Variants in PTPRK observed in about 807,000 individuals in gnomAD.
PTPRK encodes the protein receptor-type tyrosine-protein phosphatase kappa.
A neutral mutation model predicts 178.0 loss-of-function variants in PTPRK; 75 were observed. The ratio of observed to expected loss-of-function variants is 0.42; its 90% CI spans 0.35 to 0.51. The LOEUF (loss-of-function observed/expected upper bound fraction) is 0.51. PTPRK is among the 20% of genes least tolerant of loss of function. PTPRK has a pLI of 0.02. For synonymous variants in PTPRK, 637 were observed against 620.6 expected, an observed-to-expected ratio of 1.03 and a Z score of -0.39; for missense variants, 1,441 against 1,797.8, an observed-to-expected ratio of 0.80 and a Z score of 3.59.
intron 2 of PTPRK, among the ~76,000 whole-genome samples, chr6:128,344,998 G>T (rs949182342): frequency 4.0e-5 from 6 of 149,390 alleles, no homozygotes; most frequent in South Asian, 4.3e-4. Flanking sequence ...GTAGGAGAAT[G>T]GGGGGGGAAA....
chr6:128,494,941 CA>C (rs1479525452), intron 1 of PTPRK, among the ~76,000 whole-genome samples: 1 of 152,086 alleles, frequency 6.6e-6, no homozygotes, highest in African/African-American at 2.4e-5. Flanking sequence ...GCTATTCTCA[CA>C]AAAAATAAAT....
At chr6:128,441,169 T>A (rs994783244) in intron 1 of PTPRK, among the ~76,000 whole-genome samples, 3 of 152,194 alleles carry the variant, frequency 2.0e-5, no homozygotes, top group Admixed American at 6.5e-5. Context: ...AGCCTCATTT[T>A]AAAAATCTGC....
intron 5 of PTPRK, among the ~76,000 whole-genome samples, chr6:128,234,139 A>G (rs968492589): frequency 6.6e-6 from 1 of 152,234 alleles, no homozygotes; most frequent in Non-Finnish European, 1.5e-5. Flanking sequence ...TTCTTAAAGC[A>G]GAAACTCAGA....
At chr6:128,123,410 C>CT (rs112630652) in intron 7 of PTPRK, among the ~76,000 whole-genome samples, 3,920 of 151,634 alleles carry the variant, frequency 0.026, 76 homozygotes, top group Middle Eastern at 0.092. Context: ...GAAATTTGTA[C>CT]TTTTTTTTTC....
chr6:127,982,683 TA>T (rs1775489062), intron 24 of PTPRK, 147 bp downstream of exon 24: 1 of 588,660 alleles, frequency 1.7e-6, no homozygotes, highest in African/African-American at 1.9e-5. Context: ...AGTGACTATA[TA>T]ATATGTATAA....
chr6:128,329,381 A>AC (rs1365141054), intron 2 of PTPRK, among the ~76,000 whole-genome samples: 1 of 60,394 alleles, frequency 1.7e-5, no homozygotes, highest in African/African-American at 5.4e-5. Flanking sequence ...ATATATAGAT[A>AC]AACACACACA....
intron 24 of PTPRK, among the ~76,000 whole-genome samples, chr6:127,982,373 C>T (rs1775448052): frequency 1.3e-5 from 2 of 151,876 alleles, no homozygotes; most frequent in Admixed American, 6.6e-5. Context: ...GCCAGGTTCA[C>T]GCCATTCTCC....
At chr6:128,466,042 A>C (rs1849805367) in intron 1 of PTPRK, among the ~76,000 whole-genome samples, 1 of 152,204 alleles carries the variant, frequency 6.6e-6, no homozygotes, top group African/African-American at 2.4e-5. Flanking sequence ...TGAATTTGGG[A>C]TCCTGTGTCA....
chr6:128,281,918 T>C (rs1273287121), intron 3 of PTPRK, among the ~76,000 whole-genome samples: 1 of 152,120 alleles, frequency 6.6e-6, no homozygotes, highest in African/African-American at 2.4e-5. Context: ...CTGCAGTTTT[T>C]GACATGTTCA....
intron 1 of PTPRK, among the ~76,000 whole-genome samples, chr6:128,415,227 G>A (rs1178856896): frequency 6.6e-6 from 1 of 152,040 alleles, no homozygotes; most frequent in South Asian, 2.1e-4. Context: ...TCCTCCCAAC[G>A]ATCTCAGAAT....
intron 5 of PTPRK, among the ~76,000 whole-genome samples, chr6:128,224,417 G>A (rs1056222999): frequency 6.6e-6 from 1 of 152,108 alleles, no homozygotes; most frequent in Non-Finnish European, 1.5e-5. Flanking sequence ...TTTCATTCCT[G>A]GTGGAATATA....
At chr6:128,359,806 C>T (rs1265069244) in intron 2 of PTPRK, among the ~76,000 whole-genome samples, 1 of 151,918 alleles carries the variant, frequency 6.6e-6, no homozygotes, top group East Asian at 1.9e-4. Context: ...ATCCATAACA[C>T]ATCTGTGAAA....
Position 128,218,994 on chromosome 6 carries a change from C to A in PTPRK, c.796G>T (p.Asp266Tyr), listed in dbSNP as rs1489366429. Residue 266 changes from aspartate to tyrosine, a missense_variant, in exon 6 of 30, where the codon GAT becomes TAT. Physicochemically the swap from Asp to Tyr is radical, Grantham distance 160. This residue lies in a region of PTPRK where 945 missense variants were observed against 1,080.6 expected (regional missense o/e 0.87). Transcript: ENST00000368226. ...RLQEVTKTDQ[D>Y]LYRCVTQSER... ...GACTGAGTTACACAGCGATACAAAT[C>A]CTGGTCAGTTTTTGTCACTTCTTGC... 3 of 1,613,916 alleles carry A rather than the reference C, an allele frequency of 1.9e-6. No homozygotes were observed. The Admixed American group carries it at 5.0e-5, about 27-fold the overall frequency.
intron 15 of PTPRK, chr6:128,001,049 C>T (rs1003234680): frequency 7.4e-6 from 4 of 538,676 alleles, no homozygotes; most frequent in Middle Eastern, 5.1e-4. Context: ...AATCTCAATA[C>T]ATTTCCACCT....
chr6:128,344,549 T>C (rs546547892), intron 2 of PTPRK, among the ~76,000 whole-genome samples: 1 of 151,976 alleles, frequency 6.6e-6, no homozygotes, highest in South Asian at 2.1e-4. Context: ...TTTTTAAAGG[T>C]CTCCCTCTGT....
chr6:128,074,506 A>C (rs1412331223), intron 11 of PTPRK, among the ~76,000 whole-genome samples: 1 of 152,056 alleles, frequency 6.6e-6, no homozygotes, highest in Non-Finnish European at 1.5e-5. Context: ...AAGAAAAGGA[A>C]TTATGTATTC....
intron 1 of PTPRK, among the ~76,000 whole-genome samples, chr6:128,471,338 A>T (rs1453331824): frequency 6.6e-6 from 1 of 151,908 alleles, no homozygotes; most frequent in Non-Finnish European, 1.5e-5. Context: ...AGACATTTGG[A>T]AGTAGAAACT....
intron 3 of PTPRK, among the ~76,000 whole-genome samples, chr6:128,260,372 A>T (rs1818001714): frequency 6.6e-6 from 1 of 152,178 alleles, no homozygotes; most frequent in African/African-American, 2.4e-5. Flanking sequence ...CAGTTGTTGA[A>T]GGAAAAGATG....
chr6:128,417,139 C>A (rs933616838), intron 1 of PTPRK, among the ~76,000 whole-genome samples: 1 of 151,596 alleles, frequency 6.6e-6, no homozygotes, highest in African/African-American at 2.4e-5. Context: ...CTCTGACGTG[C>A]CTTGGAAAGT....
Sources: allele counts gnomAD v4.1 joint callset (sites outside exome capture counted in the v4.1 genomes callset), GRCh38; gene constraint gnomAD v4.1.1; regional missense constraint gnomAD v4.1.1; transcripts MANE v1.5; gene names NCBI Gene and HGNC (gene_info 2026-07-23, HGNC 2026-07-21).